RYR1: variants seen among roughly 807,000 people sequenced by gnomAD.
The protein encoded by RYR1 is central core disease of muscle.
In RYR1, 342 loss-of-function variants were observed where a neutral mutation model predicts 583.5. The ratio of observed to expected loss-of-function variants is 0.59; its 90% confidence interval spans 0.54 to 0.64. The LOEUF (loss-of-function observed/expected upper bound fraction) is 0.64, where lower values mean the gene tolerates loss of function less well. Ranked by LOEUF, RYR1 falls within the 30% of genes least tolerant of loss-of-function variation. RYR1 has a pLI of 0.00. For missense variants in RYR1, 6,032 were observed against 6,917.2 expected (o/e 0.87, Z 4.54); for synonymous variants, 2,791 against 2,822.5 (o/e 0.99, Z 0.35).
intron 89 of RYR1, among the ~76,000 whole-genome samples, chr19:38,549,904 T>TGTG (rs1972593557): frequency 6.7e-6 from 1 of 150,040 alleles, no homozygotes; most frequent in Non-Finnish European, 1.5e-5. Context: ...TGTGTGTGTG[T>TGTG]GTGTGTGTGT....
intron 28 of RYR1, 35 bp downstream of exon 28, chr19:38,473,806 G>A (rs757941693): frequency 2.1e-6 from 3 of 1,460,144 alleles, no homozygotes; most frequent in Non-Finnish European, 1.8e-6. Context: ...GGGATTGGGG[G>A]CTGCCTTGGG....
intron 9 of RYR1, among the ~76,000 whole-genome samples, chr19:38,447,482 A>T (rs983064054): frequency 6.6e-6 from 1 of 152,112 alleles, no homozygotes; most frequent in Admixed American, 6.6e-5. Flanking sequence ...TGGCGGTTGC[A>T]GTGAGCTGAG....
In RYR1 at chr19:38,489,511, G is replaced by T. The variant is rs960157171; in HGVS notation, c.5814+68G>T. The T allele has an allele frequency of 3.8e-6, 6 of 1,583,678 alleles. No homozygotes were observed. The Admixed American group carries it at 1.0e-4, about 26-fold the overall frequency. On this transcript the variant is annotated intron_variant, in intron 35 of 105. Coordinates refer to ENST00000359596, the MANE Select transcript of RYR1 (RefSeq NM_000540.3). Reference sequence around the variant, plus strand: ...CTGGGAGACACAGGGTAGGTGGGATGTGAGTCTGGACTTCGTCCTCAGGCA... The same window carrying T: ...CTGGGAGACACAGGGTAGGTGGGATTTGAGTCTGGACTTCGTCCTCAGGCA...
intron 78 of RYR1, among the ~76,000 whole-genome samples, chr19:38,533,210 G>T (rs894906845): frequency 2.6e-5 from 4 of 152,180 alleles, no homozygotes; most frequent in Admixed American, 6.5e-5. Context: ...AATGTTCTAC[G>T]TAGGGAGAAT....
intron 27 of RYR1, among the ~76,000 whole-genome samples, chr19:38,470,482 G>A (rs1417999758): frequency 1.3e-5 from 2 of 150,394 alleles, no homozygotes; most frequent in Non-Finnish European, 2.9e-5. Flanking sequence ...GCTCATGCCT[G>A]TAATCCCAGC....
At chr19:38,478,265 CGAAGAG>C (rs1968839777) in intron 30 of RYR1, among the ~76,000 whole-genome samples, 164 bp from the exon 31 acceptor site, 1 of 152,060 alleles carries the variant, frequency 6.6e-6, no homozygotes, top group Non-Finnish European at 1.5e-5. Context: ...ATCCCAGCTC[CGAAGAG>C]CTCAGTGTCC....
chr19:38,503,070 C>A, intron 49 of RYR1, 100 bp downstream of exon 49: 2 of 1,134,562 alleles, frequency 1.8e-6, no homozygotes, highest in Admixed American at 1.9e-5. Flanking sequence ...ACTGCCCAGC[C>A]CAATAAACCT....
chr19:38,574,062 A>G (rs570343830), intron 96 of RYR1, among the ~76,000 whole-genome samples: 2 of 152,138 alleles, frequency 1.3e-5, no homozygotes, highest in African/African-American at 4.8e-5. Flanking sequence ...AACATGGTGA[A>G]ACCCCATCTC....
In RYR1 at chr19:38,466,113, A is replaced by T. The variant is rs1395003952; in HGVS notation, c.2893A>T (p.Lys965Ter). The change falls in exon 24 of 106, where the codon AAG becomes TAG. Residue 965 changes from lysine to a stop codon, truncating the protein, a stop_gained. Transcript: ENST00000359596. LOFTEE classifies it high-confidence loss of function. ...PKTYMMSNGY[K>*]PAPLDLSHVR... ...CAGGTATATGATGAGCAATGGGTAC[A>T]AGCCGGCTCCGCTGGACCTGAGCCA... 6.2e-7 allele frequency: 1 copy of T among 1,612,126 alleles called. No homozygotes were observed.
At chr19:38,546,307 G>A (rs746229423) in intron 87 of RYR1, 138 bp from the exon 88 acceptor site, 11 of 724,136 alleles carry the variant, frequency 1.5e-5, no homozygotes, top group East Asian at 2.7e-5. Flanking sequence ...CGAGGAACAT[G>A]TCTGGACTCG....
chr19:38,477,290 C>A (rs563280831), intron 29 of RYR1, among the ~76,000 whole-genome samples: 29 of 152,074 alleles, frequency 1.9e-4, no homozygotes, highest in African/African-American at 5.8e-4. Context: ...CTACAGGCGC[C>A]CACCACCATG....
chr19:38,468,201 G>C (rs1186417800), intron 25 of RYR1, among the ~76,000 whole-genome samples: 1 of 143,030 alleles, frequency 7.0e-6, no homozygotes, highest in Admixed American at 7.0e-5. Context: ...TGCACATATA[G>C]TCCCATCATC....
chr19:38,503,039 G>T, intron 49 of RYR1, 69 bp downstream of exon 49: 1 of 1,495,058 alleles, frequency 6.7e-7, no homozygotes, highest in Non-Finnish European at 9.2e-7. Flanking sequence ...CCCTCCTACT[G>T]CGGGGCTCAT....
chr19:38,451,168 A>C (rs1370840260), intron 11 of RYR1, among the ~76,000 whole-genome samples: 1 of 152,252 alleles, frequency 6.6e-6, no homozygotes, highest in East Asian at 1.9e-4. Context: ...TTGCAAAAAC[A>C]GGCCTGTAGT....
Position 38,443,499 on chromosome 19 carries a change from T to C in RYR1, c.271-59T>C, listed in dbSNP as rs569348548. ...GTCACCTGTGACTAGGCCAGACCTC[T>C]TGGGGATCTGGAGAGTCCGGGGATC... On this transcript the variant is annotated intron_variant, in intron 3 of 105. Transcript: ENST00000359596. 4.4e-5 allele frequency: 66 copies of C among 1,495,752 alleles called. 1 individual carries two copies. In the Admixed American group the frequency reaches 9.8e-4, roughly 22 times the overall value. 92.7% of individuals were successfully genotyped at this position (1,495,752 alleles called of 1,614,324 possible).
chr19:38,459,370 C>T, intron 19 of RYR1, 32 bp downstream of exon 19: 1 of 1,606,356 alleles, frequency 6.2e-7, no homozygotes, highest in Non-Finnish European at 8.5e-7. Context: ...ACGGCCAGTC[C>T]TCAGACCTAG....
At chr19:38,484,484 A>G (rs1437507077) in intron 33 of RYR1, among the ~76,000 whole-genome samples, 1 of 116,172 alleles carries the variant, frequency 8.6e-6, no homozygotes, top group Non-Finnish European at 1.6e-5. Flanking sequence ...TCCTTTATTC[A>G]TTCATCCATT....
At chr19:38,503,144 C>T (rs1449515542) in intron 49 of RYR1, among the ~76,000 whole-genome samples, 174 bp downstream of exon 49, 1 of 152,128 alleles carries the variant, frequency 6.6e-6, no homozygotes, top group African/African-American at 2.4e-5. Flanking sequence ...ACTAGGATTC[C>T]CAGAACATTC....
chr19:38,484,746 G>T (rs1969197729), intron 33 of RYR1, among the ~76,000 whole-genome samples: 1 of 151,482 alleles, frequency 6.6e-6, no homozygotes, highest in Admixed American at 6.6e-5. Context: ...GAGGAGGGAG[G>T]GTTGCTTGAG....
Sources: gnomAD v4.1 joint callset for allele counts (sites outside exome capture counted in the v4.1 genomes callset) on GRCh38, gnomAD v4.1.1 for gene constraint, MANE v1.5 for transcripts, NCBI Gene and HGNC (gene_info 2026-07-23, HGNC 2026-07-21) for gene names.